Variants in OPRM1 observed in about 807,000 individuals in gnomAD.
OPRM1 encodes the protein opioid receptor mu 1.
A neutral mutation model predicts 31.8 loss-of-function variants in OPRM1; 27 were observed. That is an observed-to-expected ratio of 0.85 (90% CI 0.63 to 1.17). OPRM1 has a LOEUF of 1.17. OPRM1 is among the 50% of genes most tolerant of loss of function. The probability of loss-of-function intolerance (pLI) is 0.00; values close to 1 mark genes in which losing one functional copy is unlikely to be tolerated. For synonymous variants in OPRM1, 196 were observed against 189.9 expected, an observed-to-expected ratio of 1.03 and a Z score of -0.26; for missense variants, 536 against 511.1, an observed-to-expected ratio of 1.05 and a Z score of -0.47.
rs1784084635 is a variant in OPRM1 at position 154,060,035 on chromosome 6, C to A, written c.290+20201C>A. Among the ~76,000 whole-genome samples, 3 of 152,032 alleles carry A rather than the reference C, an allele frequency of 2.0e-5. 1 individual carries two copies. In the South Asian group the frequency reaches 6.2e-4, roughly 32 times the overall value. On this transcript the variant is annotated intron_variant, in intron 1 of 3. Coordinates refer to ENST00000330432, the MANE Select transcript of OPRM1 (RefSeq NM_000914.5). The stretch of plus-strand genomic sequence containing the variant: ...TCCCAATTTATTGCCGCAAGGAATC[C>A]AAATGGGAGAGGGGTTATAGCAAGA...
At position 154,090,028 on chromosome 6, in the gene OPRM1, G is replaced by A. The variant is rs767397290; in HGVS notation, c.493G>A (p.Val165Ile). The change falls in exon 2 of 4, where the codon GTT (valine) becomes ATT (isoleucine). Residue 165 changes from valine to isoleucine, a missense_variant. Val to Ile is a conservative substitution (Grantham distance 29). Coordinates refer to ENST00000330432, the MANE Select transcript of OPRM1 (RefSeq NM_000914.5). ...CATATTCACCCTCTGCACCATGAGT[G>A]TTGATCGATACATTGCAGTCTGCCA... is the stretch of plus-strand genomic sequence containing the variant. ...TSIFTLCTMS[V>I]DRYIAVCHPV... The A allele has an allele frequency of 1.2e-6, 2 of 1,614,126 alleles. No homozygotes were observed. The highest frequency in any genetic ancestry group is 1.7e-6 in the Non-Finnish European group (2 of 1,179,988).
intron 3 of OPRM1, among the ~76,000 whole-genome samples, chr6:154,147,680 T>A (rs987446825): frequency 6.6e-6 from 1 of 152,168 alleles, no homozygotes; most frequent in African/African-American, 2.4e-5. Flanking sequence ...TGCCAGCTGG[T>A]AAATCCTTTC....
intron 3 of OPRM1, among the ~76,000 whole-genome samples, chr6:154,138,773 C>G (rs1032631036): frequency 6.6e-6 from 1 of 152,236 alleles, no homozygotes. Context: ...TACTAGACGA[C>G]TAACATTAGC....
At chr6:154,204,980 C>G (rs1430240844) in intron 3 of OPRM1, among the ~76,000 whole-genome samples, 1 of 152,188 alleles carries the variant, frequency 6.6e-6, no homozygotes, top group African/African-American at 2.4e-5. Flanking sequence ...CTGGTCCCTT[C>G]TGCCAGAAAG....
chr6:154,113,625 T>C (rs1457456447), intron 3 of OPRM1, among the ~76,000 whole-genome samples: 1 of 152,118 alleles, frequency 6.6e-6, no homozygotes, highest in Non-Finnish European at 1.5e-5. Context: ...TGAGTGATTG[T>C]GCAGGTAAAA....
At chr6:154,231,260 A>G (rs895560630) in intron 3 of OPRM1, among the ~76,000 whole-genome samples, 4 of 152,260 alleles carry the variant, frequency 2.6e-5, no homozygotes, top group African/African-American at 7.2e-5. Flanking sequence ...AATTCACTGT[A>G]AAAGTTCTAG....
intron 3 of OPRM1, among the ~76,000 whole-genome samples, chr6:154,243,392 G>A (rs145414617): frequency 1.2e-3 from 182 of 152,328 alleles, no homozygotes; most frequent in African/African-American, 4.0e-3. Flanking sequence ...AATGGCAGAT[G>A]AGCCTCTGGA....
intron 3 of OPRM1, among the ~76,000 whole-genome samples, chr6:154,224,951 A>G (rs917100633): frequency 6.6e-6 from 1 of 152,202 alleles, no homozygotes; most frequent in African/African-American, 2.4e-5. Flanking sequence ...TACAATGCAC[A>G]GTGCTTCCTG....
At chr6:154,174,406 G>A (rs1800129639) in intron 3 of OPRM1, among the ~76,000 whole-genome samples, 1 of 152,114 alleles carries the variant, frequency 6.6e-6, no homozygotes, top group Admixed American at 6.5e-5. Context: ...ACCCATCAGT[G>A]TGCTATATTC....
chr6:154,047,486 A>C (rs926203353), intron 1 of OPRM1, among the ~76,000 whole-genome samples: 6 of 150,922 alleles, frequency 4.0e-5, no homozygotes, highest in Non-Finnish European at 7.4e-5. Context: ...TTCTCTGTTT[A>C]ATTTTTAGGA....
At chr6:154,180,933 T>C (rs1800817024) in intron 3 of OPRM1, among the ~76,000 whole-genome samples, 1 of 152,104 alleles carries the variant, frequency 6.6e-6, no homozygotes, top group African/African-American at 2.4e-5. Flanking sequence ...ATGTTCTAAG[T>C]GCCTGAGAAA....
chr6:154,194,657 T>C (rs1368205017), intron 3 of OPRM1, among the ~76,000 whole-genome samples: 2 of 152,126 alleles, frequency 1.3e-5, no homozygotes, highest in Non-Finnish European at 2.9e-5. Flanking sequence ...TCCTAACTCC[T>C]AGCTTCAGGA....
Position 154,132,270 on chromosome 6 carries a change from A to G in OPRM1, c.*13549A>G, listed in dbSNP as rs1234530453. Among the ~76,000 whole-genome samples the G allele has an allele frequency of 6.6e-6, 1 of 152,228 alleles. No homozygotes were observed. The highest frequency in any genetic ancestry group is 1.5e-5 in the Non-Finnish European group (1 of 68,032). On this transcript the variant is annotated 3_prime_UTR_variant, in exon 4 of 4. Transcript: ENST00000330432. Reference sequence around the variant, plus strand: ...TGTTCTTGATGTACCAGCATACATAAACATATTAGGCTGTATTGTAAGTTT... The same window carrying G: ...TGTTCTTGATGTACCAGCATACATAGACATATTAGGCTGTATTGTAAGTTT...
intron 1 of OPRM1, among the ~76,000 whole-genome samples, chr6:154,023,359 T>C (rs1562373714): frequency 1.3e-5 from 2 of 152,212 alleles, no homozygotes; most frequent in Non-Finnish European, 2.9e-5. Flanking sequence ...GATTGTTTAC[T>C]TTTGACATAC....
At chr6:154,020,807 T>C (rs529356587) in intron 1 of OPRM1, among the ~76,000 whole-genome samples, 1 of 152,376 alleles carries the variant, frequency 6.6e-6, no homozygotes, top group African/African-American at 2.4e-5. Flanking sequence ...TTTTTTCATA[T>C]GCTTATTTGC....
chr6:154,058,319 T>C (rs986515019), intron 1 of OPRM1, among the ~76,000 whole-genome samples: 28 of 152,202 alleles, frequency 1.8e-4, no homozygotes, highest in African/African-American at 6.5e-4. Flanking sequence ...ATTCACACAT[T>C]TGTTTGAAGT....
rs1239378247 is a variant in OPRM1, at chr6:154,091,120, A to G, written c.812A>G (p.Lys271Arg). The change falls in exon 3 of 4, where the codon AAA becomes AGA. Residue 271 changes from lysine to arginine, a missense_variant. Coordinates refer to ENST00000330432, the MANE Select transcript of OPRM1 (RefSeq NM_000914.5). ...LKSVRMLSGS[K>R]EKDRNLRRIT... ...AGTGTCCGCATGCTCTCTGGCTCCA[A>G]AGAAAAGGACAGGAATCTTCGAAGG... is the stretch of plus-strand genomic sequence containing the variant. The G allele has an allele frequency of 6.2e-7, 1 of 1,614,042 alleles. No homozygotes were observed. Among genetic ancestry groups the G allele is most frequent in the Non-Finnish European group, 8.5e-7 (1 of 1,180,040 alleles).
At chr6:154,245,574 T>C (rs763665887) in intron 3 of OPRM1, among the ~76,000 whole-genome samples, 2 of 152,254 alleles carry the variant, frequency 1.3e-5, no homozygotes, top group Admixed American at 6.5e-5. Flanking sequence ...TAAAGTTACA[T>C]GATGTACAGC....
intron 1 of OPRM1, among the ~76,000 whole-genome samples, chr6:154,072,059 C>T (rs1484931343): frequency 6.6e-6 from 1 of 152,094 alleles, no homozygotes; most frequent in African/African-American, 2.4e-5. Context: ...CGCAATTACT[C>T]AACTATTATA....
Sources: allele counts gnomAD v4.1 joint callset (sites outside exome capture counted in the v4.1 genomes callset), GRCh38; gene constraint gnomAD v4.1.1; transcripts MANE v1.5; gene names NCBI Gene and HGNC (gene_info 2026-07-23, HGNC 2026-07-21).